Variants in CPA6 observed in about 807,000 individuals in gnomAD.
The protein encoded by CPA6 is carboxypeptidase B.
Under a neutral mutation model 63.3 loss-of-function variants are expected in CPA6, and 58 were observed. The ratio of observed to expected loss-of-function variants is 0.92; its 90% CI spans 0.74 to 1.14. The LOEUF is 1.14. Among genes scored for constraint, CPA6 ranks in the 50% most tolerant of loss-of-function variants. CPA6 has a pLI of 0.00. For synonymous variants in CPA6, 185 were observed against 179.0 expected, an observed-to-expected ratio of 1.03 and a Z score of -0.27; for missense variants, 565 against 526.6, an observed-to-expected ratio of 1.07 and a Z score of -0.71.
intron 1 of CPA6, among the ~76,000 whole-genome samples, chr8:67,723,472 T>G (rs188332464): frequency 9.5e-4 from 145 of 152,266 alleles, no homozygotes; most frequent in Admixed American, 5.0e-3. Context: ...TGGCGGAGGA[T>G]CTTAACTTTT....
intron 1 of CPA6, among the ~76,000 whole-genome samples, chr8:67,636,927 A>G (rs922064157): frequency 6.6e-6 from 1 of 151,574 alleles, no homozygotes; most frequent in Non-Finnish European, 1.5e-5. Flanking sequence ...AATAAATAAG[A>G]GACAACTTGG....
intron 1 of CPA6, among the ~76,000 whole-genome samples, chr8:67,668,025 C>CA (rs1816268189): frequency 6.6e-6 from 1 of 152,206 alleles, no homozygotes; most frequent in Non-Finnish European, 1.5e-5. Flanking sequence ...GTGCTGGTCA[C>CA]ACACATGGGT....
At chr8:67,648,843 G>A (rs2128991047) in intron 1 of CPA6, among the ~76,000 whole-genome samples, 1 of 152,302 alleles carries the variant, frequency 6.6e-6, no homozygotes, top group Non-Finnish European at 1.5e-5. Context: ...ATGACTGTTA[G>A]AATAGAACTG....
At chr8:67,740,263 C>T (rs1167495022) in intron 1 of CPA6, among the ~76,000 whole-genome samples, 6 of 152,186 alleles carry the variant, frequency 3.9e-5, no homozygotes, top group African/African-American at 7.2e-5. Flanking sequence ...TGAAAAGAGC[C>T]TTAACTACCA....
At chr8:67,693,787 A>G (rs879324189) in intron 1 of CPA6, among the ~76,000 whole-genome samples, 3 of 152,198 alleles carry the variant, frequency 2.0e-5, no homozygotes, top group Admixed American at 1.3e-4. Context: ...GTTTAAAGAT[A>G]GTTTGTTATA....
rs182934734 is a variant in CPA6 at position 67,445,088 on chromosome 8, T to C, written c.839-10848A>G. On this transcript the variant is annotated intron_variant, in intron 8 of 10. Coordinates refer to ENST00000297770, the MANE Select transcript of CPA6 (RefSeq NM_020361.5). ...GTCAAAAGCCAGATGTTATATGTGC[T>C]TAGAGGAATGAATGGGAAGAAAGGA... 7.9e-5 allele frequency among the ~76,000 whole-genome samples: 12 copies of C among 152,256 alleles called. No homozygotes were observed. The East Asian group carries it at 2.3e-3, about 29-fold the overall frequency.
intron 2 of CPA6, among the ~76,000 whole-genome samples, chr8:67,559,852 A>AAT (rs71554612): frequency 0.062 from 9,233 of 148,096 alleles, 496 homozygotes; most frequent in African/African-American, 0.14. Flanking sequence ...AGTTGGACAA[A>AAT]ATATATATAT....
chr8:67,427,300 T>G (rs1254930625), intron 10 of CPA6, among the ~76,000 whole-genome samples: 2 of 152,222 alleles, frequency 1.3e-5, no homozygotes, highest in African/African-American at 4.8e-5. Flanking sequence ...AGCCAGATTT[T>G]TTTGTCCTGT....
chr8:67,587,936 A>G (rs1000870727), intron 2 of CPA6, among the ~76,000 whole-genome samples: 1 of 152,170 alleles, frequency 6.6e-6, no homozygotes, highest in Non-Finnish European at 1.5e-5. Context: ...TTAATCGCAT[A>G]GCTAGTGCCA....
rs555625387 is a variant in CPA6 at position 67,542,397 on chromosome 8, A to G, written c.193-24350T>C. ...CTCAGTTTCAGTGGCTCTTTGAGAA[A>G]GGTTAAGTCTTCCACCAGTTTTAGA... is the stretch of plus-strand genomic sequence containing the variant. On this transcript the variant is annotated intron_variant, in intron 2 of 10. Transcript: ENST00000297770. Among the ~76,000 whole-genome samples, 4 of 152,342 alleles carry G rather than the reference A, an allele frequency of 2.6e-5. No homozygotes were observed. The East Asian group carries it at 7.7e-4, about 29-fold the overall frequency.
intron 2 of CPA6, among the ~76,000 whole-genome samples, chr8:67,623,413 T>C (rs1815125564): frequency 1.3e-5 from 2 of 150,856 alleles, no homozygotes; most frequent in South Asian, 4.2e-4. Context: ...AAAATTTTCT[T>C]TTTTTTTTTC....
chr8:67,690,671 A>G (rs980912106), intron 1 of CPA6, among the ~76,000 whole-genome samples: 11 of 151,926 alleles, frequency 7.2e-5, no homozygotes, highest in African/African-American at 2.7e-4. Context: ...GAAATATTAG[A>G]AAAGAATATT....
At chr8:67,458,709 A>G (rs924571899) in intron 8 of CPA6, among the ~76,000 whole-genome samples, 2 of 152,232 alleles carry the variant, frequency 1.3e-5, no homozygotes, top group Non-Finnish European at 2.9e-5. Context: ...AAACTCAGTA[A>G]TAAGAAAACA....
chr8:67,574,376 C>CA (rs1181267622), intron 2 of CPA6, among the ~76,000 whole-genome samples: 2,983 of 64,662 alleles, frequency 0.046, 47 homozygotes, highest in African/African-American at 0.079. Context: ...GACTCTGTCT[C>CA]AAAAAAAAAA....
intron 1 of CPA6, among the ~76,000 whole-genome samples, chr8:67,639,862 A>G (rs907878735): frequency 5.9e-5 from 9 of 151,442 alleles, no homozygotes; most frequent in Non-Finnish European, 1.3e-4. Context: ...GTGATAGAAT[A>G]GCTCAGAGGA....
At chr8:67,730,287 T>C (rs956539452) in intron 1 of CPA6, among the ~76,000 whole-genome samples, 1 of 152,202 alleles carries the variant, frequency 6.6e-6, no homozygotes, top group African/African-American at 2.4e-5. Context: ...AAAACACTTA[T>C]GTTTACCCAT....
chr8:67,566,924 T>C (rs1159767742), intron 2 of CPA6, among the ~76,000 whole-genome samples: 1 of 152,240 alleles, frequency 6.6e-6, no homozygotes, highest in Non-Finnish European at 1.5e-5. Flanking sequence ...AGCCATTGTT[T>C]GGAGTGAAAG....
chr8:67,559,621 G>A (rs1312973308), intron 2 of CPA6, among the ~76,000 whole-genome samples: 1 of 152,064 alleles, frequency 6.6e-6, no homozygotes, highest in Non-Finnish European at 1.5e-5. Context: ...GCCCACTCAA[G>A]TTTTGCATGT....
intron 1 of CPA6, among the ~76,000 whole-genome samples, chr8:67,641,044 G>A (rs939910606): frequency 6.6e-6 from 1 of 151,662 alleles, no homozygotes; most frequent in Non-Finnish European, 1.5e-5. Context: ...GGGTACAGGG[G>A]ACCCACCGCT....
Sources: gnomAD v4.1 joint callset for allele counts (sites outside exome capture counted in the v4.1 genomes callset) on GRCh38, gnomAD v4.1.1 for gene constraint, MANE v1.5 for transcripts, NCBI Gene and HGNC (gene_info 2026-07-23, HGNC 2026-07-21) for gene names.